The following TANC1 variants were observed in gnomAD, a reference collection of about 807,000 sequenced individuals.
The protein encoded by TANC1 is tetratricopeptide repeat, ankyrin repeat and coiled-coil containing 1, also known as protein TANC1.
A neutral mutation model predicts 149.7 loss-of-function variants in TANC1; 77 were observed. The ratio of observed to expected loss-of-function variants is 0.51; its 90% CI spans 0.43 to 0.62. TANC1 has a LOEUF of 0.62. TANC1 is among the 20% of genes least tolerant of loss of function. TANC1 has a pLI of 0.00. For synonymous variants in TANC1, 854 were observed against 925.0 expected (o/e 0.92, Z 1.39); for missense variants, 1,985 against 2,321.8 (o/e 0.85, Z 2.98).
At chr2:159,077,535 A>G (rs2043821177) in intron 3 of TANC1, among the ~76,000 whole-genome samples, 1 of 152,230 alleles carries the variant, frequency 6.6e-6, no homozygotes, top group Non-Finnish European at 1.5e-5. Context: ...GCATATGGAC[A>G]CACATCAATA....
At chr2:159,035,452 G>T (rs970537030) in intron 2 of TANC1, among the ~76,000 whole-genome samples, 10 of 152,270 alleles carry the variant, frequency 6.6e-5, no homozygotes, top group African/African-American at 2.4e-4. Flanking sequence ...ACACAGGAAT[G>T]CCAAAACAGT....
rs372604810 is a variant in TANC1 at position 159,063,109 on chromosome 2, C to G, written c.-15-2787C>G. Among the ~76,000 whole-genome samples, 10 of 152,058 alleles carry G rather than the reference C, an allele frequency of 6.6e-5. 2 individuals are homozygous for G. The highest frequency in any genetic ancestry group is 4.2e-4 in the South Asian group (2 of 4,794). On this transcript the variant is annotated intron_variant, in intron 2 of 26. Coordinates refer to ENST00000263635, the MANE Select transcript of TANC1 (RefSeq NM_033394.3). ...GTTGTGTGAACTGGACCAGCACACTCTCTCCCTACTATTTGCAGACTAAGA... is the reference window on the plus strand; with the variant it reads ...GTTGTGTGAACTGGACCAGCACACTGTCTCCCTACTATTTGCAGACTAAGA...
rs765496951 is a variant in TANC1 at position 159,217,580 on chromosome 2, A to G, written c.3328A>G (p.Arg1110Gly). 6.2e-7 allele frequency: 1 copy of G among 1,614,238 alleles called. No homozygotes were observed. The highest frequency in any genetic ancestry group is 1.1e-5 in the South Asian group (1 of 91,086). The change falls in exon 20 of 27, where the codon AGG becomes GGG. Residue 1110 changes from arginine (R) to glycine (G), a missense_variant. Around this residue, in one of 3 missense-constraint regions of TANC1, gnomAD observed 920 missense variants for 994.7 expected, o/e 0.92. Transcript: ENST00000263635. ...TGGAGCTGCTGTGTCGCGGACAAAC[A>G]GGAGAGGGGTTCCACCTTTGTTTTG... is the stretch of plus-strand genomic sequence containing the variant. ...GHGAAVSRTN[R>G]RGVPPLFCAA...
rs370690006 is a variant in TANC1 at position 159,097,805 on chromosome 2, T to C, written c.230T>C (p.Val77Ala). 2.8e-5 allele frequency: 45 copies of C among 1,613,886 alleles called. No individual in the cohort carries two copies. The African/African-American group carries it at 5.7e-4, about 21-fold the overall frequency. ...TTGCTGCCTCGACAGTCTCACTTGG[T>C]GCAATCAAGAGTGAACAAAAAATCC... is the stretch of plus-strand genomic sequence containing the variant. ...SPLLPRQSHL[V>A]QSRVNKKSPG... The change falls in exon 4 of 27, where the codon GTG becomes GCG. Residue 77 changes from valine to alanine, a missense_variant. This residue lies in a region of TANC1 where 557 missense variants were observed against 612.9 expected (regional missense o/e 0.91). Coordinates refer to ENST00000263635, the MANE Select transcript of TANC1 (RefSeq NM_033394.3).
chr2:159,168,484 T>C (rs1170039051), intron 8 of TANC1, among the ~76,000 whole-genome samples: 1 of 151,854 alleles, frequency 6.6e-6, no homozygotes, highest in African/African-American at 2.4e-5. Context: ...TGTTTTTTAG[T>C]AGAAATGGGG....
At chr2:159,059,888 T>TTGTGTGTGTGTGTGTGTGTGTG (rs140659801) in intron 2 of TANC1, among the ~76,000 whole-genome samples, 17 of 114,802 alleles carry the variant, frequency 1.5e-4, no homozygotes, top group Admixed American at 2.8e-4. Context: ...GCAGACCTCT[T>TTGTGTGTGTGTGTGTGTGTGTG]TGTGTGTGTG....
At position 159,065,286 on chromosome 2, in the gene TANC1, C is replaced by T. The variant is rs373291639; in HGVS notation, c.-15-610C>T. Among the ~76,000 whole-genome samples, 157 of 152,268 alleles carry T rather than the reference C, an allele frequency of 1.0e-3. 1 individual carries two copies. The highest frequency in any genetic ancestry group is 3.7e-3 in the African/African-American group (153 of 41,560). On this transcript the variant is annotated intron_variant, in intron 2 of 26. Transcript: ENST00000263635. ...GTTCTACTTACTTCCCTTCCCCACC[C>T]CAAAGTTATAACTTCCTATATATTG...
chr2:159,230,370 G>T lies in TANC1; in HGVS notation c.4944G>T (p.Leu1648=). 2 of 1,614,146 alleles carry T rather than the reference G, an allele frequency of 1.2e-6. No individual in the cohort carries two copies. Among genetic ancestry groups the T allele is most frequent in the Non-Finnish European group, 8.5e-7 (1 of 1,180,030 alleles). Residue 1648 remains leucine (L), a synonymous_variant, in exon 27 of 27, where the codon CTG becomes CTT. Coordinates refer to ENST00000263635, the MANE Select transcript of TANC1 (RefSeq NM_033394.3). The surrounding 1 kb of genome is among the most constrained non-coding windows in gnomAD (Gnocchi z 4.4). ...CAGCCCCTCCAAACCAAGGTGGGCT[G>T]GCGACCTGCAGCGACGTGCGACACC... is the stretch of plus-strand genomic sequence containing the variant. The part of the protein sequence containing the change: ...VDAAPPNQGG[L]ATCSDVRHPA...
chr2:159,089,321 T>C (rs1285417104), intron 3 of TANC1, among the ~76,000 whole-genome samples: 3 of 152,224 alleles, frequency 2.0e-5, no homozygotes, highest in African/African-American at 4.8e-5. Context: ...TTAGATATTT[T>C]ACTAGGGTAT....
At chr2:159,061,430 C>T (rs543683808) in intron 2 of TANC1, among the ~76,000 whole-genome samples, 69 of 152,298 alleles carry the variant, frequency 4.5e-4, no homozygotes, top group Admixed American at 8.5e-4. Flanking sequence ...ACTCTCATTC[C>T]AGAGAGGTCC....
At chr2:159,075,112 A>G (rs771345262) in intron 3 of TANC1, among the ~76,000 whole-genome samples, 1 of 152,174 alleles carries the variant, frequency 6.6e-6, no homozygotes, top group Non-Finnish European at 1.5e-5. Flanking sequence ...ACCCTGGAGA[A>G]TTGGTCATGA....
At chr2:159,223,116 G>C (rs1024074218) in intron 22 of TANC1, among the ~76,000 whole-genome samples, 1 of 152,140 alleles carries the variant, frequency 6.6e-6, no homozygotes, top group Non-Finnish European at 1.5e-5. Context: ...ATGTTGGCCA[G>C]GCTGGTCTTG....
At chr2:158,998,979 C>G (rs1204353269) in intron 1 of TANC1, among the ~76,000 whole-genome samples, 4 of 152,130 alleles carry the variant, frequency 2.6e-5, no homozygotes, top group African/African-American at 9.7e-5. Context: ...AGAAATCACT[C>G]CCTGAAGGCC....
intron 3 of TANC1, among the ~76,000 whole-genome samples, chr2:159,089,179 A>T (rs1299075795): frequency 1.3e-5 from 2 of 152,162 alleles, no homozygotes; most frequent in East Asian, 3.9e-4. Context: ...TGGTTAGGCC[A>T]CCAATTGTTT....
chr2:159,028,336 G>C (rs2039515071), intron 2 of TANC1, among the ~76,000 whole-genome samples: 1 of 152,116 alleles, frequency 6.6e-6, no homozygotes, highest in Non-Finnish European at 1.5e-5. Context: ...GGCCAAGCTG[G>C]TCTCGAACTT....
intron 1 of TANC1, among the ~76,000 whole-genome samples, chr2:158,987,990 A>G (rs531324901): frequency 2.6e-5 from 4 of 152,130 alleles, no homozygotes; most frequent in African/African-American, 9.6e-5. Context: ...TTTCCTCCAC[A>G]GTTGGAGGGG....
intron 4 of TANC1, among the ~76,000 whole-genome samples, chr2:159,123,197 G>A (rs536837166): frequency 6.6e-6 from 1 of 152,300 alleles, no homozygotes; most frequent in African/African-American, 2.4e-5. Flanking sequence ...AGAGCAGGTA[G>A]GTGTGAGGAT....
At chr2:159,035,985 GC>G (rs1414532799) in intron 2 of TANC1, among the ~76,000 whole-genome samples, 2 of 152,240 alleles carry the variant, frequency 1.3e-5, no homozygotes, top group Non-Finnish European at 2.9e-5. Context: ...GAGCGGGCAT[GC>G]TGTGAGAGTG....
At chr2:159,147,023 G>A (rs1348593218) in intron 5 of TANC1, among the ~76,000 whole-genome samples, 1 of 152,152 alleles carries the variant, frequency 6.6e-6, no homozygotes, top group Non-Finnish European at 1.5e-5. Flanking sequence ...GGGTGTTGCG[G>A]TCCCCCTGCT....
Sources: allele counts gnomAD v4.1 joint callset (sites outside exome capture counted in the v4.1 genomes callset), GRCh38; gene constraint gnomAD v4.1.1; regional missense constraint gnomAD v4.1.1; non-coding constraint Gnocchi (gnomAD v3.1); transcripts MANE v1.5; gene names NCBI Gene and HGNC (gene_info 2026-07-23, HGNC 2026-07-21).